GLIS3: variants seen among roughly 807,000 people sequenced by gnomAD.
The protein encoded by GLIS3 is zinc finger protein GLIS3.
Under a neutral mutation model 78.6 loss-of-function variants are expected in GLIS3, and 53 were observed. The ratio of observed to expected loss-of-function variants is 0.67; its 90% confidence interval spans 0.54 to 0.85. GLIS3 has a LOEUF of 0.85. Ranked by LOEUF, GLIS3 falls within the 40% of genes least tolerant of loss-of-function variation. GLIS3 has a pLI of 0.00. For synonymous variants in GLIS3, 684 were observed against 509.9 expected, an observed-to-expected ratio of 1.34 and a Z score of -4.60; for missense variants, 1,703 against 1,231.1, an observed-to-expected ratio of 1.38 and a Z score of -5.74.
intron 2 of GLIS3, among the ~76,000 whole-genome samples, chr9:4,254,022 T>C (rs948542595): frequency 6.6e-6 from 1 of 152,216 alleles, no homozygotes; most frequent in Non-Finnish European, 1.5e-5. Flanking sequence ...CATTGGGAGC[T>C]GCAGACCTGA....
upstream of GLIS3, among the ~76,000 whole-genome samples, chr9:4,301,505 C>G (rs1587370062): frequency 6.6e-6 from 1 of 152,202 alleles, no homozygotes; most frequent in Non-Finnish European, 1.5e-5. Context: ...CATAAAAACT[C>G]TTCCTCATTA....
At chr9:4,489,159 A>G in the GLIS3 span, among the ~76,000 whole-genome samples, 5 of 151,996 alleles carry the variant, frequency 3.3e-5, no homozygotes, top group African/African-American at 1.2e-4. Flanking sequence ...GAGCCACCGC[A>G]CCCGGGTCCC....
chr9:4,025,076 C>A (rs893327810), intron 4 of GLIS3, among the ~76,000 whole-genome samples: 46 of 110,848 alleles, frequency 4.1e-4, no homozygotes, highest in African/African-American at 1.6e-3. Flanking sequence ...ATGGCGAGAC[C>A]CCCATCTCTA....
At chr9:3,905,091 G>A (rs1043303373) in intron 6 of GLIS3, among the ~76,000 whole-genome samples, 1 of 149,182 alleles carries the variant, frequency 6.7e-6, no homozygotes, top group Non-Finnish European at 1.5e-5. Flanking sequence ...TCCTGCCTCA[G>A]CCTCCCGAGT....
intron 1 of GLIS3, chr9:4,298,585 C>G: frequency 3.2e-6 from 1 of 311,196 alleles, no homozygotes; most frequent in Non-Finnish European, 6.4e-6. Context: ...TCAAAATACA[C>G]ACAGGGTCAT....
At chr9:4,358,520 C>A in the GLIS3 span, among the ~76,000 whole-genome samples, 34 of 152,150 alleles carry the variant, frequency 2.2e-4, no homozygotes, top group African/African-American at 7.5e-4. Flanking sequence ...TTTTTGTGTA[C>A]CTACTATGTT....
rs574497012 is a variant in GLIS3, at chr9:4,152,730, T to C, written c.389-26789A>G. On this transcript the variant is annotated intron_variant, in intron 2 of 10. Coordinates refer to ENST00000381971, the MANE Select transcript of GLIS3 (RefSeq NM_001042413.2). ...TTCAATAAGGTGACAAGACGCAATG[T>C]AAATTTTACAAAAGCAATAGGTTTC... Among the ~76,000 whole-genome samples the C allele has an allele frequency of 4.6e-5, 7 of 152,292 alleles. No homozygotes were observed. In the South Asian group the frequency reaches 1.5e-3, roughly 32 times the overall value.
chr9:4,238,340 T>C (rs985598680), intron 2 of GLIS3, among the ~76,000 whole-genome samples: 1 of 152,150 alleles, frequency 6.6e-6, no homozygotes, highest in Non-Finnish European at 1.5e-5. Context: ...ATTGTTGTTT[T>C]GGTGGAGAGG....
In GLIS3 at chr9:4,286,420, A is replaced by G. The variant is rs144056332; in HGVS notation, c.6T>C (p.Asn2=). Reference sequence around the variant, plus strand: ...GGAGACTCATGCTGCATGATCTTCCATTCATTCTGAAAAACCTGTGGCCAA... The same window carrying G: ...GGAGACTCATGCTGCATGATCTTCCGTTCATTCTGAAAAACCTGTGGCCAA... M[N]GRSCSMSLHR... The change falls in exon 2 of 11, where the codon AAT becomes AAC. Residue 2 remains asparagine (N), a synonymous_variant. Coordinates refer to ENST00000381971, the MANE Select transcript of GLIS3 (RefSeq NM_001042413.2). 2.5e-6 allele frequency: 4 copies of G among 1,614,036 alleles called. No homozygotes were observed. The African/African-American group carries it at 5.3e-5, about 22-fold the overall frequency.
chr9:4,294,441 G>T (rs571003998), intron 1 of GLIS3, among the ~76,000 whole-genome samples: 32 of 152,176 alleles, frequency 2.1e-4, no homozygotes, highest in Non-Finnish European at 3.2e-4. Flanking sequence ...CCCAGGAGGG[G>T]GAGGTTGCAG....
intron 4 of GLIS3, among the ~76,000 whole-genome samples, chr9:4,307,664 G>T (rs1419534129): frequency 6.6e-6 from 1 of 152,210 alleles, no homozygotes; most frequent in African/African-American, 2.4e-5. Flanking sequence ...CTTAAAGTAG[G>T]GAGACTATCC....
chr9:4,192,067 G>T (rs1299652577), intron 2 of GLIS3, among the ~76,000 whole-genome samples: 2 of 152,116 alleles, frequency 1.3e-5, no homozygotes, highest in African/African-American at 4.8e-5. Flanking sequence ...AGGAGTTCTT[G>T]TGATAAACAT....
chr9:4,099,047 G>T (rs1297777520), intron 4 of GLIS3, among the ~76,000 whole-genome samples: 2 of 152,136 alleles, frequency 1.3e-5, no homozygotes, highest in Non-Finnish European at 2.9e-5. Flanking sequence ...TCAAGACAAA[G>T]TGCAATGTCC....
chr9:4,337,135 T>C (rs182572003), intron 2 of GLIS3, among the ~76,000 whole-genome samples: 2 of 152,362 alleles, frequency 1.3e-5, no homozygotes, highest in South Asian at 2.1e-4. Context: ...TGGTACAACT[T>C]TTCCCGAAAG....
chr9:4,332,820 T>A (rs1036585982), intron 2 of GLIS3, among the ~76,000 whole-genome samples: 6 of 152,232 alleles, frequency 3.9e-5, no homozygotes, highest in Non-Finnish European at 5.9e-5. Context: ...TGTCAAAACG[T>A]CTACTGGGTA....
At chr9:4,403,984 C>G in the GLIS3 span, among the ~76,000 whole-genome samples, 1 of 152,064 alleles carries the variant, frequency 6.6e-6, no homozygotes, top group African/African-American at 2.4e-5. Flanking sequence ...AAGAAATATA[C>G]TTCACCTATA....
intron 9 of GLIS3, among the ~76,000 whole-genome samples, chr9:3,848,904 C>A (rs554037122): frequency 6.6e-5 from 10 of 152,284 alleles, no homozygotes; most frequent in African/African-American, 2.4e-4. Flanking sequence ...AGCTGACTGG[C>A]CTGCTTTAGG....
chr9:4,176,346 G>C (rs77052963), intron 2 of GLIS3, among the ~76,000 whole-genome samples: 2,092 of 152,238 alleles, frequency 0.014, 20 homozygotes, highest in Middle Eastern at 0.082. Flanking sequence ...TTTCTCTCTA[G>C]TCTGTCCTCT....
chr9:4,359,813 G>T, the GLIS3 span, among the ~76,000 whole-genome samples: 1 of 151,988 alleles, frequency 6.6e-6, no homozygotes, highest in Non-Finnish European at 1.5e-5. Flanking sequence ...TATTTACCTT[G>T]AAAAATAATT....
Sources: gnomAD v4.1 joint callset for allele counts (sites outside exome capture counted in the v4.1 genomes callset) on GRCh38, gnomAD v4.1.1 for gene constraint, MANE v1.5 for transcripts, NCBI Gene and HGNC (gene_info 2026-07-23, HGNC 2026-07-21) for gene names.